Variants in YIPF1 observed in about 807,000 individuals in gnomAD.
The protein encoded by YIPF1 is protein YIPF1.
In YIPF1, 22 loss-of-function variants were observed where a neutral mutation model predicts 37.0. That is an observed-to-expected ratio of 0.59 (90% CI 0.42 to 0.85). YIPF1 has a LOEUF of 0.85. YIPF1 is among the 40% of genes least tolerant of loss of function. The pLI is 0.00. For missense variants in YIPF1, 355 were observed against 373.1 expected, an observed-to-expected ratio of 0.95 and a Z score of 0.40; for synonymous variants, 128 against 131.9, an observed-to-expected ratio of 0.97 and a Z score of 0.21.
At chr1:53,867,367 CTT>C (rs57424528) in intron 7 of YIPF1, among the ~76,000 whole-genome samples, 42 of 111,576 alleles carry the variant, frequency 3.8e-4, no homozygotes, top group African/African-American at 9.1e-4. Flanking sequence ...CACTGACTTC[CTT>C]TTTTTTTTTT....
In YIPF1 at chr1:53,888,964, T is replaced by G; in HGVS notation, c.-27A>C. On this transcript the variant is annotated 5_prime_UTR_variant, in exon 3 of 11. Transcript: ENST00000072644. ...CGGCCAGTGAGTCTTCTCCCAATTA[T>G]GAGGAAGAAAATTTGCAGGGTTCTA... The G allele has an allele frequency of 6.3e-7, 1 of 1,595,102 alleles. No homozygotes were observed. Among genetic ancestry groups the G allele is most frequent in the South Asian group, 1.1e-5 (1 of 90,024 alleles).
At chr1:53,864,434 AG>A (rs1649966592) in intron 9 of YIPF1, among the ~76,000 whole-genome samples, 2 of 152,376 alleles carry the variant, frequency 1.3e-5, no homozygotes, top group East Asian at 3.9e-4. Context: ...CATGTAAACT[AG>A]GTTTGTGTTT....
chr1:53,871,099 A>G (rs1650179040), intron 7 of YIPF1, among the ~76,000 whole-genome samples: 1 of 152,038 alleles, frequency 6.6e-6, no homozygotes. Flanking sequence ...ATGTGGACTC[A>G]TAACATTGTG....
chr1:53,887,149 C>T lies in YIPF1; in HGVS notation c.31+1758G>A, dbSNP rs143260237. Reference sequence around the variant, plus strand: ...TCGCCCAGGCTGGAGCACAGTGGTGCGATCTCGGTTCACTGCAACCTCTGG... The same window carrying T: ...TCGCCCAGGCTGGAGCACAGTGGTGTGATCTCGGTTCACTGCAACCTCTGG... On this transcript the variant is annotated intron_variant, in intron 3 of 10. Transcript: ENST00000072644. Among the ~76,000 whole-genome samples, 6 of 151,986 alleles carry T rather than the reference C, an allele frequency of 3.9e-5. No individual in the cohort carries two copies. In the East Asian group the frequency reaches 9.7e-4, roughly 24 times the overall value.
intron 9 of YIPF1, among the ~76,000 whole-genome samples, chr1:53,861,442 C>T (rs1010269805): frequency 6.6e-6 from 1 of 152,148 alleles, no homozygotes; most frequent in South Asian, 2.1e-4. Context: ...GCTTCTACAC[C>T]TGGCTCTGCT....
At chr1:53,883,509 G>A (rs1650559741) in intron 3 of YIPF1, among the ~76,000 whole-genome samples, 1 of 152,176 alleles carries the variant, frequency 6.6e-6, no homozygotes, top group South Asian at 2.1e-4. Flanking sequence ...TTCTGGCTCA[G>A]CTAGCCACTT....
At chr1:53,879,472 T>C (rs950422845) in intron 4 of YIPF1, among the ~76,000 whole-genome samples, 2 of 151,736 alleles carry the variant, frequency 1.3e-5, no homozygotes, top group African/African-American at 4.8e-5. Context: ...ATCTGATATA[T>C]TGACTCACTC....
intron 6 of YIPF1, among the ~76,000 whole-genome samples, chr1:53,875,548 C>T (rs1174132900): frequency 6.6e-6 from 1 of 152,142 alleles, no homozygotes; most frequent in Non-Finnish European, 1.5e-5. Context: ...CTCGTCTGTC[C>T]AAACTCTCCA....
At chr1:53,883,897 G>A (rs1165541401) in intron 3 of YIPF1, among the ~76,000 whole-genome samples, 1 of 152,084 alleles carries the variant, frequency 6.6e-6, no homozygotes, top group Non-Finnish European at 1.5e-5. Context: ...TTAGCCGGGT[G>A]TAGTGGCACA....
intron 10 of YIPF1, among the ~76,000 whole-genome samples, chr1:53,853,487 G>A (rs1339243088): frequency 1.3e-5 from 2 of 152,192 alleles, no homozygotes; most frequent in Non-Finnish European, 2.9e-5. Context: ...GCTGGAGATA[G>A]AGTTAAATCC....
chr1:53,858,251 G>A (rs983172933), intron 10 of YIPF1, among the ~76,000 whole-genome samples: 2 of 152,148 alleles, frequency 1.3e-5, no homozygotes, highest in East Asian at 3.8e-4. Context: ...TCATTCTACT[G>A]GCCAGGGTGA....
chr1:53,857,085 T>C (rs887487848), intron 10 of YIPF1, among the ~76,000 whole-genome samples: 2 of 152,170 alleles, frequency 1.3e-5, no homozygotes, highest in African/African-American at 2.4e-5. Context: ...GAGGGTGGTC[T>C]CCAAATGACC....
At chr1:53,869,330 T>TG (rs1557605471) in intron 7 of YIPF1, among the ~76,000 whole-genome samples, 13 of 151,546 alleles carry the variant, frequency 8.6e-5, no homozygotes, top group East Asian at 7.7e-4. Flanking sequence ...GCACATATTT[T>TG]TGTGTGTGTG....
chr1:53,866,654 T>A (rs1448160863), intron 8 of YIPF1, 104 bp downstream of exon 8: 1 of 1,379,870 alleles, frequency 7.2e-7, no homozygotes, highest in Non-Finnish European at 9.8e-7. Context: ...CAGAAGAACA[T>A]GAGTATTGCG....
At chr1:53,855,841 T>TCC (rs994824858) in intron 10 of YIPF1, among the ~76,000 whole-genome samples, 31 of 152,276 alleles carry the variant, frequency 2.0e-4, no homozygotes, top group African/African-American at 7.5e-4. Context: ...AACTGGAAGC[T>TCC]CCCCTATGAT....
At chr1:53,883,832 G>A (rs915890382) in intron 3 of YIPF1, among the ~76,000 whole-genome samples, 15 of 152,116 alleles carry the variant, frequency 9.9e-5, no homozygotes. Context: ...GAGGTCAGGA[G>A]TTCGACCAGC....
chr1:53,887,811 A>G (rs1650695083), intron 3 of YIPF1, among the ~76,000 whole-genome samples: 1 of 152,232 alleles, frequency 6.6e-6, no homozygotes, highest in Non-Finnish European at 1.5e-5. Flanking sequence ...TCTGTGCCTC[A>G]GTCTCCTCAT....
At chr1:53,881,244 C>CAG (rs1409642876) in intron 4 of YIPF1, among the ~76,000 whole-genome samples, 2 of 96,320 alleles carry the variant, frequency 2.1e-5, no homozygotes, top group African/African-American at 7.9e-5. Context: ...GACTCCATCT[C>CAG]AAAAAAAAAA....
chr1:53,877,480 C>T (rs2100737107), intron 6 of YIPF1, among the ~76,000 whole-genome samples: 1 of 152,310 alleles, frequency 6.6e-6, no homozygotes, highest in South Asian at 2.1e-4. Flanking sequence ...CAGCACCTGG[C>T]ACACGGACAG....
Sources: allele counts gnomAD v4.1 joint callset (sites outside exome capture counted in the v4.1 genomes callset), GRCh38; gene constraint gnomAD v4.1.1; transcripts MANE v1.5; gene names NCBI Gene and HGNC (gene_info 2026-07-23, HGNC 2026-07-21).